Variants in NAALADL2 observed in about 807,000 individuals in gnomAD.
NAALADL2 encodes N-acetylated alpha-linked acidic dipeptidase like 2.
Under a neutral mutation model 87.2 loss-of-function variants are expected in NAALADL2, and 76 were observed. That is an observed-to-expected ratio of 0.87 (90% confidence interval 0.72 to 1.05). The LOEUF is 1.05. NAALADL2 is among the 50% of genes least tolerant of loss of function. NAALADL2 has a pLI of 0.00. For synonymous variants in NAALADL2, 354 were observed against 331.0 expected (o/e 1.07, Z -0.75); for missense variants, 1,089 against 945.8 (o/e 1.15, Z -1.99).
intron 9 of NAALADL2, among the ~76,000 whole-genome samples, chr3:175,504,172 A>G (rs984867259): frequency 2.6e-5 from 4 of 152,184 alleles, no homozygotes; most frequent in Non-Finnish European, 5.9e-5. Context: ...TTTTTATTGA[A>G]CAGGGAGTCC....
chr3:175,431,936 T>A (rs1370737685), intron 5 of NAALADL2, among the ~76,000 whole-genome samples: 1 of 151,970 alleles, frequency 6.6e-6, no homozygotes, highest in Non-Finnish European at 1.5e-5. Context: ...GGTTGCCAAG[T>A]TGTGACCATT....
At chr3:174,915,381 G>A (rs1427223472) in intron 1 of NAALADL2, among the ~76,000 whole-genome samples, 1 of 152,082 alleles carries the variant, frequency 6.6e-6, no homozygotes, top group African/African-American at 2.4e-5. Context: ...TCTCCTCCCT[G>A]TCAATGAACA....
intron 3 of NAALADL2, among the ~76,000 whole-genome samples, chr3:174,830,060 G>T (rs1300655224): frequency 8.3e-6 from 1 of 120,856 alleles, no homozygotes; most frequent in African/African-American, 3.3e-5. Context: ...CTCCCATTTT[G>T]TAGGTTGCCT....
At chr3:175,567,660 T>C (rs1336055921) in intron 9 of NAALADL2, among the ~76,000 whole-genome samples, 2 of 151,954 alleles carry the variant, frequency 1.3e-5, no homozygotes, top group Non-Finnish European at 2.9e-5. Context: ...GCTGAAACCC[T>C]GAGAAATTGG....
intron 1 of NAALADL2, among the ~76,000 whole-genome samples, chr3:174,997,643 T>C (rs1747687510): frequency 6.6e-6 from 1 of 151,878 alleles, no homozygotes; most frequent in Admixed American, 6.6e-5. Flanking sequence ...TGGTGAAACA[T>C]TGTTTCTACT....
chr3:175,764,452 G>C lies in NAALADL2; in HGVS notation c.2189+9034G>C, dbSNP rs557009091. On this transcript the variant is annotated intron_variant, in intron 13 of 13. Coordinates refer to ENST00000454872, the MANE Select transcript of NAALADL2 (RefSeq NM_207015.3). ...TGTCCTTATGGAAGATGTCACAGCA[G>C]GTTCATAACAAAGGAAATTATTTCA... Among the ~76,000 whole-genome samples the C allele has an allele frequency of 7.9e-5, 12 of 151,430 alleles. No individual in the cohort carries two copies. In the South Asian group the frequency reaches 2.5e-3, roughly 31 times the overall value.
intron 2 of NAALADL2, among the ~76,000 whole-genome samples, chr3:175,162,817 A>G (rs1733432613): frequency 6.6e-6 from 1 of 152,124 alleles, no homozygotes. Flanking sequence ...TTCTCTCTTT[A>G]GGCAAACTGA....
chr3:174,696,559 G>C (rs533462771), intron 2 of NAALADL2, among the ~76,000 whole-genome samples: 2 of 108,412 alleles, frequency 1.8e-5, no homozygotes, highest in South Asian at 3.0e-4. Flanking sequence ...TTTTATCTTT[G>C]AAAAAAATTA....
chr3:175,288,455 G>A lies in NAALADL2; in HGVS notation c.939+31925G>A, dbSNP rs868250933. Among the ~76,000 whole-genome samples, 5 of 152,146 alleles carry A rather than the reference G, an allele frequency of 3.3e-5. No homozygotes were observed. In the South Asian group the frequency reaches 8.3e-4, roughly 25 times the overall value. On this transcript the variant is annotated intron_variant, in intron 4 of 13. Coordinates refer to ENST00000454872, the MANE Select transcript of NAALADL2 (RefSeq NM_207015.3). ...CATAGCCCAGTCAAGCCAACACAAA[G>A]TATCCATCATAACACCTCAAATTAA... is the stretch of plus-strand genomic sequence containing the variant.
Position 175,057,796 on chromosome 3 carries a change from C to T in NAALADL2, c.44-38994C>T, listed in dbSNP as rs777668039. ...AAGTTATCAATGACTTCAATGTAAA[C>T]GGGACTTTCCATAGTTAATTGAGAC... On this transcript the variant is annotated intron_variant, in intron 1 of 13. Transcript: ENST00000454872. Among the ~76,000 whole-genome samples, 5 of 152,286 alleles carry T rather than the reference C, an allele frequency of 3.3e-5. No homozygotes were observed. In the South Asian group the frequency reaches 6.2e-4, roughly 19 times the overall value.
intron 1 of NAALADL2, among the ~76,000 whole-genome samples, chr3:174,504,605 C>G (rs1239827928): frequency 6.6e-6 from 1 of 152,104 alleles, no homozygotes; most frequent in Non-Finnish European, 1.5e-5. Context: ...TTTCTACTCT[C>G]TCTTACTTAA....
At chr3:174,588,134 CT>C (rs35444449) in intron 2 of NAALADL2, among the ~76,000 whole-genome samples, 38,220 of 152,002 alleles carry the variant, frequency 0.25, 6,100 homozygotes, top group East Asian at 0.74. Flanking sequence ...TCTTCAAACA[CT>C]CATACCCTTT....
rs558866157 is a variant in NAALADL2, at chr3:174,979,170, T to C, written c.44-117620T>C. On this transcript the variant is annotated intron_variant, in intron 1 of 13. Transcript: ENST00000454872. ...ACCTTTTCTTGTAGTTCTTATTTTC[T>C]TCAGAGTTTTCATGCTCTCTTCTGG... 8.5e-5 allele frequency among the ~76,000 whole-genome samples: 13 copies of C among 152,158 alleles called. No homozygotes were observed. The South Asian group carries it at 2.7e-3, about 32-fold the overall frequency.
In NAALADL2 at chr3:175,487,898, C is replaced by T. The variant is rs558859498; in HGVS notation, c.1653+16140C>T. On this transcript the variant is annotated intron_variant, in intron 9 of 13. Transcript: ENST00000454872. Reference sequence around the variant, plus strand: ...GAAATGCATGTTTTTAAATTATTTCCTTTACTGTATATCTATCAAAGAACT... The same window carrying T: ...GAAATGCATGTTTTTAAATTATTTCTTTTACTGTATATCTATCAAAGAACT... Among the ~76,000 whole-genome samples the T allele has an allele frequency of 2.6e-5, 4 of 152,190 alleles. No individual in the cohort carries two copies. In the East Asian group the frequency reaches 7.7e-4, roughly 29 times the overall value.
At chr3:175,227,154 T>C (rs1461251) in intron 2 of NAALADL2, among the ~76,000 whole-genome samples, 134,559 of 151,980 alleles carry the variant, frequency 0.89, 59,701 homozygotes, top group Middle Eastern at 0.97. Context: ...TAGATGTTTT[T>C]GTTCCCCATT....
intron 1 of NAALADL2, among the ~76,000 whole-genome samples, chr3:174,495,027 C>T (rs1310144063): frequency 6.6e-6 from 1 of 152,058 alleles, no homozygotes. Flanking sequence ...CACTGTTAAA[C>T]CATCTGAAAG....
chr3:174,611,312 TAATAATAATAA>T, intron 2 of NAALADL2, among the ~76,000 whole-genome samples: 1 of 152,032 alleles, frequency 6.6e-6, no homozygotes, highest in East Asian at 1.9e-4. Flanking sequence ...ACTTAAAGTA[TAATAATAATAA>T]AATAAAAATA....
At chr3:174,793,696 T>G (rs1717733494) in intron 3 of NAALADL2, among the ~76,000 whole-genome samples, 1 of 152,158 alleles carries the variant, frequency 6.6e-6, no homozygotes, top group Non-Finnish European at 1.5e-5. Flanking sequence ...CGTGATCTTA[T>G]AATTTATTTA....
At chr3:175,366,635 C>T (rs1259893388) in intron 5 of NAALADL2, among the ~76,000 whole-genome samples, 1 of 151,696 alleles carries the variant, frequency 6.6e-6, no homozygotes, top group Non-Finnish European at 1.5e-5. Flanking sequence ...TTTCATGTGT[C>T]TGTTGGCTGC....
Sources: allele counts gnomAD v4.1 joint callset (sites outside exome capture counted in the v4.1 genomes callset), GRCh38; gene constraint gnomAD v4.1.1; transcripts MANE v1.5; gene names NCBI Gene and HGNC (gene_info 2026-07-23, HGNC 2026-07-21).